The following ANK3 variants were observed in gnomAD, a reference collection of about 807,000 sequenced individuals.
ANK3 encodes the protein ankyrin 3.
A neutral mutation model predicts 370.9 loss-of-function variants in ANK3; 57 were observed. The observed-to-expected ratio is 0.15, with a 90% CI of 0.12 to 0.19. ANK3 has a LOEUF of 0.19. Among genes scored for constraint, ANK3 ranks in the 10% least tolerant of loss-of-function variants. The pLI, the probability that ANK3 is intolerant of heterozygous loss-of-function variation, is 1.00. For synonymous variants in ANK3, 1,929 were observed against 1,946.3 expected (o/e 0.99, Z 0.23); for missense variants, 4,439 against 5,302.1 (o/e 0.84, Z 5.06).
At chr10:60,511,589 T>C (rs1425400269) in intron 2 of ANK3, among the ~76,000 whole-genome samples, 1 of 152,152 alleles carries the variant, frequency 6.6e-6, no homozygotes, top group African/African-American at 2.4e-5. Flanking sequence ...CAAGTAGCTC[T>C]TCATGTGTCT....
intron 2 of ANK3, among the ~76,000 whole-genome samples, chr10:60,469,345 G>GTATA (rs141977984): frequency 0.056 from 2 of 36 alleles, no homozygotes; most frequent in African/African-American, 0.091. Context: ...CACTTTTAGT[G>GTATA]TATATATATA....
intron 23 of ANK3, among the ~76,000 whole-genome samples, chr10:60,157,335 CTTTT>C (rs777732848): frequency 1.4e-4 from 17 of 121,122 alleles, no homozygotes; most frequent in East Asian, 7.2e-4. Flanking sequence ...CTGTGCCCGG[CTTTT>C]TTTTTTTTTT....
chr10:60,671,275 C>A lies in ANK3; in HGVS notation c.58-56051G>T, dbSNP rs112100403. 9.5e-4 allele frequency among the ~76,000 whole-genome samples: 145 copies of A among 152,332 alleles called. 1 individual carries two copies. Among genetic ancestry groups the A allele is most frequent in the Middle Eastern group, 6.8e-3 (2 of 294 alleles). On this transcript the variant is annotated intron_variant, in intron 1 of 43. Coordinates refer to the ANK3 transcript ENST00000373827. Reference sequence around the variant, plus strand: ...CCTCTCTTTTCTACTACATTTCAGTCACCTTGGCCTCCTCTGGATTCCTCC... The same window carrying A: ...CCTCTCTTTTCTACTACATTTCAGTAACCTTGGCCTCCTCTGGATTCCTCC...
intron 23 of ANK3, among the ~76,000 whole-genome samples, chr10:60,142,995 C>T (rs2094634416): frequency 6.6e-6 from 1 of 152,112 alleles, no homozygotes; most frequent in Admixed American, 6.6e-5. Context: ...CTCAAGCCTC[C>T]TGGGGAGATT....
intron 27 of ANK3, chr10:60,108,235 C>A: frequency 2.2e-6 from 1 of 446,660 alleles, no homozygotes; most frequent in African/African-American, 2.0e-5. Flanking sequence ...TTCGGCTAAC[C>A]AAGCTCTCAC....
intron 2 of ANK3, among the ~76,000 whole-genome samples, chr10:60,591,514 T>C (rs968303206): frequency 1.3e-5 from 2 of 151,888 alleles, no homozygotes; most frequent in African/African-American, 4.8e-5. Context: ...GAACAGTTTG[T>C]AGGTTCCTCA....
At chr10:60,628,123 CT>C (rs1259725708) in intron 1 of ANK3, among the ~76,000 whole-genome samples, 3 of 152,150 alleles carry the variant, frequency 2.0e-5, no homozygotes, top group Non-Finnish European at 4.4e-5. Flanking sequence ...TCATTTTATA[CT>C]TTTCCTAAAT....
intron 34 of ANK3, 33 bp downstream of exon 34, chr10:60,082,582 G>T (rs1295526213): frequency 6.2e-7 from 1 of 1,606,104 alleles, no homozygotes; most frequent in South Asian, 1.1e-5. Flanking sequence ...TCAAGACCAG[G>T]GAAAGACAAT....
chr10:60,099,929 C>T (rs920734416), intron 28 of ANK3, among the ~76,000 whole-genome samples: 12 of 151,544 alleles, frequency 7.9e-5, no homozygotes, highest in African/African-American at 2.4e-4. Flanking sequence ...GGGCTAAAAG[C>T]TCTACTGTGC....
At chr10:60,507,795 A>G (rs760224363) in intron 2 of ANK3, 1 of 152,038 alleles carries the variant, frequency 6.6e-6, no homozygotes, top group African/African-American at 2.4e-5. Context: ...CAGTCCTATA[A>G]TGTTTTTTAA....
intron 1 of ANK3, among the ~76,000 whole-genome samples, chr10:60,357,870 C>T (rs2058011511): frequency 6.6e-6 from 1 of 152,144 alleles, no homozygotes; most frequent in African/African-American, 2.4e-5. Context: ...ACCCTACTCT[C>T]TCTCCTTCTG....
chr10:60,172,351 A>T lies in ANK3; in HGVS notation c.2435T>A (p.Val812Glu). ...TTCGGTCACTATCTTCAGGGTGTCC[A>T]CTACTGAGATGTAGCCGAGGCGCCG... Reference protein sequence around the residue: ...IARRLGYISVVDTLKIVTEET... With the variant: ...IARRLGYISVEDTLKIVTEET... The change falls in exon 21 of 44, where the codon GTG becomes GAG. Residue 812 changes from valine (V) to glutamate (E), a missense_variant. This residue lies in a region of ANK3 where 702 missense variants were observed against 941.5 expected (regional missense o/e 0.75). Coordinates refer to ENST00000280772, the MANE Select transcript of ANK3 (RefSeq NM_020987.5). The T allele has an allele frequency of 6.2e-7, 1 of 1,614,066 alleles. No homozygotes were observed. Among genetic ancestry groups the T allele is most frequent in the Non-Finnish European group, 8.5e-7 (1 of 1,179,922 alleles).
chr10:60,386,810 A>C (rs547091169), intron 1 of ANK3, among the ~76,000 whole-genome samples: 69 of 152,210 alleles, frequency 4.5e-4, no homozygotes, highest in African/African-American at 1.5e-3. Flanking sequence ...TATAAACTAG[A>C]TACTCTTTAG....
At chr10:60,349,419 A>G (rs924123271) in intron 1 of ANK3, among the ~76,000 whole-genome samples, 1 of 152,212 alleles carries the variant, frequency 6.6e-6, no homozygotes, top group Admixed American at 6.5e-5. Flanking sequence ...ATAGTAAGCA[A>G]AGATTAGTTA....
rs1040887132 is a variant in ANK3, at chr10:60,072,328, G to A, written c.8553C>T (p.Val2851=). The change falls in exon 37 of 44, where the codon GTC becomes GTT. Residue 2851 remains valine (V), a synonymous_variant. Coordinates refer to ENST00000280772, the MANE Select transcript of ANK3 (RefSeq NM_020987.5). ...CTCCCGAACTCTCCCATGTTCTAAAGACCTTTTTGTCCCATGGTCCCCTAG... is the reference window on the plus strand; with the variant it reads ...CTCCCGAACTCTCCCATGTTCTAAAAACCTTTTTGTCCCATGGTCCCCTAG... ...LATRGPWDKK[V]FRTWESSGAT... 5.0e-6 allele frequency: 8 copies of A among 1,613,808 alleles called. No individual in the cohort carries two copies. The highest frequency in any genetic ancestry group is 2.2e-5 in the East Asian group (1 of 44,888).
intron 26 of ANK3, chr10:60,111,725 A>C: frequency 2.2e-6 from 1 of 455,354 alleles, no homozygotes; most frequent in South Asian, 1.6e-5. Context: ...TAAAGGACAC[A>C]GTTATCACCT....
At position 60,069,783 on chromosome 10, in the gene ANK3, C is replaced by G; in HGVS notation, c.11098G>C (p.Gly3700Arg). Reference protein sequence around the residue: ...GECQEGTSSSGSLEKSAAATN... With the variant: ...GECQEGTSSSRSLEKSAAATN... ...GCTGCTGCTGATTTCTCCAGGGAGC[C>G]ACTACTGGATGTGCCTTCCTGACAC... The change falls in exon 37 of 44, where the codon GGC becomes CGC. Residue 3700 changes from glycine (G) to arginine (R), a missense_variant. Physicochemically the swap from Gly to Arg is moderately radical, Grantham distance 125. Around this residue, in one of 13 missense-constraint regions of ANK3, gnomAD observed 496 missense variants for 529.3 expected, o/e 0.94. Transcript: ENST00000280772. 1 of 1,614,044 alleles carries G rather than the reference C, an allele frequency of 6.2e-7. No individual in the cohort carries two copies. Among genetic ancestry groups the G allele is most frequent in the Non-Finnish European group, 8.5e-7 (1 of 1,179,980 alleles).
intron 2 of ANK3, among the ~76,000 whole-genome samples, chr10:60,432,471 A>G (rs1440533583): frequency 6.6e-6 from 1 of 152,210 alleles, no homozygotes; most frequent in Non-Finnish European, 1.5e-5. Context: ...TCAGGGTGAC[A>G]CTGATAGCAG....
chr10:60,081,704 A>G (rs2085303176), intron 35 of ANK3: 2 of 293,062 alleles, frequency 6.8e-6, no homozygotes, highest in African/African-American at 2.2e-5. Context: ...AGTTGATAGT[A>G]AAATAGGCAC....
Sources: gnomAD v4.1 joint callset for allele counts (sites outside exome capture counted in the v4.1 genomes callset) on GRCh38, gnomAD v4.1.1 for gene constraint, gnomAD v4.1.1 regional missense constraint, MANE v1.5 for transcripts, NCBI Gene and HGNC (gene_info 2026-07-23, HGNC 2026-07-21) for gene names.